CTNNB1: variants seen among roughly 807,000 people sequenced by gnomAD.
CTNNB1 encodes the protein catenin beta-1.
CTNNB1 carries 6 observed loss-of-function variants against 82.5 expected under a neutral mutation model. That is an observed-to-expected ratio of 0.07 (90% CI 0.04 to 0.14). The LOEUF (loss-of-function observed/expected upper bound fraction) is 0.14, where lower values mean the gene tolerates loss of function less well. CTNNB1 is among the 10% of genes least tolerant of loss of function. The probability of loss-of-function intolerance (pLI) is 1.00; values close to 1 mark genes in which losing one functional copy is unlikely to be tolerated. For synonymous variants in CTNNB1, 312 were observed against 329.7 expected, an observed-to-expected ratio of 0.95 and a Z score of 0.58; for missense variants, 529 against 980.4, an observed-to-expected ratio of 0.54 and a Z score of 6.15.
chr3:41,238,245 CAG>C, intron 14 of CTNNB1, 169 bp downstream of exon 14: 1 of 648,406 alleles, frequency 1.5e-6, no homozygotes, highest in Non-Finnish European at 2.8e-6. Context: ...TAATGGAGCA[CAG>C]GGAATTCAGA....
At chr3:41,209,776 A>C (rs1472008013) in intron 1 of CTNNB1, among the ~76,000 whole-genome samples, 1 of 152,224 alleles carries the variant, frequency 6.6e-6, no homozygotes, top group Admixed American at 6.5e-5. Context: ...GGTATCAAAA[A>C]TAAAAAATGG....
intron 1 of CTNNB1, among the ~76,000 whole-genome samples, chr3:41,220,217 T>A (rs761259765): frequency 5.3e-5 from 8 of 152,114 alleles, no homozygotes; most frequent in Non-Finnish European, 1.2e-4. Flanking sequence ...CCATTTACCT[T>A]CTGTTTCCTA....
chr3:41,232,592 T>C (rs2078336996), intron 7 of CTNNB1, among the ~76,000 whole-genome samples: 4 of 151,950 alleles, frequency 2.6e-5, no homozygotes, highest in Admixed American at 6.6e-5. Flanking sequence ...TATGTGGGCA[T>C]TGGGCTTCCA....
chr3:41,219,031 T>G (rs1016387786), intron 1 of CTNNB1, among the ~76,000 whole-genome samples: 3 of 152,214 alleles, frequency 2.0e-5, no homozygotes, highest in Non-Finnish European at 4.4e-5. Flanking sequence ...AAATTATATT[T>G]TGGAAATTCA....
rs373990577 is a variant in CTNNB1, at chr3:41,225,396, C to T, written c.558C>T (p.His186=). The change falls in exon 5 of 15, where the codon CAC becomes CAT. Residue 186 remains histidine (H), a synonymous_variant. Transcript: ENST00000349496. The surrounding 1 kb of genome is among the most constrained non-coding windows in gnomAD (Gnocchi z 5.3). Reference sequence around the variant, plus strand: ...TTTCTAAAAAGGAAGCTTCCAGACACGCTATCATGCGTTCTCCTCAGATGG... The same window carrying T: ...TTTCTAAAAAGGAAGCTTCCAGACATGCTATCATGCGTTCTCCTCAGATGG... ...HQLSKKEASR[H]AIMRSPQMVS... The T allele has an allele frequency of 5.6e-6, 9 of 1,613,936 alleles. No homozygotes were observed. Among genetic ancestry groups the T allele is most frequent in the South Asian group, 1.1e-5 (1 of 91,068 alleles).
At chr3:41,216,122 A>G (rs1306723079) in intron 1 of CTNNB1, among the ~76,000 whole-genome samples, 1 of 152,186 alleles carries the variant, frequency 6.6e-6, no homozygotes, top group African/African-American at 2.4e-5. Context: ...CTATTCTTAC[A>G]TTAATACTGC....
Position 41,225,978 on chromosome 3 carries a change from G to C in CTNNB1, c.936+117G>C. ...CCAGGGACCAGTTTCGTGGAAAACAGTTTTTCCATGAATGGGTTGTGGGAA... is the reference window on the plus strand; with the variant it reads ...CCAGGGACCAGTTTCGTGGAAAACACTTTTTCCATGAATGGGTTGTGGGAA... On this transcript the variant is annotated intron_variant, in intron 6 of 14. Coordinates refer to ENST00000349496, the MANE Select transcript of CTNNB1 (RefSeq NM_001904.4). The surrounding 1 kb of genome is among the most constrained non-coding windows in gnomAD (Gnocchi z 5.3). The C allele has an allele frequency of 1.1e-6, 1 of 890,242 alleles. No individual in the cohort carries two copies. Among genetic ancestry groups the C allele is most frequent in the Non-Finnish European group, 1.8e-6 (1 of 553,688 alleles). The allele number at this position is 890,242 out of a possible 1,614,324, so 55.1% of individuals were successfully genotyped here.
chr3:41,234,290 A>G lies in CTNNB1; in HGVS notation c.1676A>G (p.Gln559Arg). Residue 559 changes from glutamine (Q) to arginine (R), a missense_variant, in exon 10 of 15, where the codon CAA becomes CGA. By Grantham distance (43) the Gln-to-Arg change is conservative. This residue lies in a region of CTNNB1 where 411 missense variants were observed against 776.4 expected (regional missense o/e 0.53). Coordinates refer to ENST00000349496, the MANE Select transcript of CTNNB1 (RefSeq NM_001904.4). Reference protein sequence around the residue: ...RRTSMGGTQQQFVEGVRMEEI... With the variant: ...RRTSMGGTQQRFVEGVRMEEI... ...ACGTCCATGGGTGGGACACAGCAGC[A>G]ATTTGTGGTAGGTAAATTCTTACAG... 6.2e-7 allele frequency: 1 copy of G among 1,614,186 alleles called. No individual in the cohort carries two copies. Among genetic ancestry groups the G allele is most frequent in the Non-Finnish European group, 8.5e-7 (1 of 1,180,024 alleles).
intron 14 of CTNNB1, chr3:41,238,307 C>T (rs922471076): frequency 7.1e-6 from 4 of 561,166 alleles, no homozygotes; most frequent in East Asian, 6.1e-5. Context: ...ATACATGCTA[C>T]TGCTAGGCCT....
chr3:41,227,168 G>A (rs2125627334), intron 6 of CTNNB1, 40 bp from the exon 7 acceptor site: 15 of 1,547,794 alleles, frequency 9.7e-6, no homozygotes, highest in Non-Finnish European at 1.3e-5. Context: ...ATGTGATCAA[G>A]ATTCCTTGAC....
chr3:41,237,804 G>GT lies in CTNNB1; in HGVS notation c.2077-211dup, dbSNP rs2078474715. 6 of 549,134 alleles carry GT rather than the reference G, an allele frequency of 1.1e-5. No individual in the cohort carries two copies. The South Asian group carries it at 1.2e-4, about 11-fold the overall frequency. 34.0% of individuals were successfully genotyped at this position (549,134 alleles called of 1,614,324 possible). ...TAATATTTGTTGAAAGAACAAGTCA[G>GT]TGAGTATTTTTAATGTGAGGTGCAA... On this transcript the variant is annotated intron_variant, in intron 13 of 14. Transcript: ENST00000349496.
At chr3:41,238,862 C>G (rs538092473) in intron 14 of CTNNB1, among the ~76,000 whole-genome samples, 1 of 152,128 alleles carries the variant, frequency 6.6e-6, no homozygotes, top group Non-Finnish European at 1.5e-5. Context: ...GCAGAGTGTT[C>G]AGGGTTAGAC....
intron 1 of CTNNB1, among the ~76,000 whole-genome samples, chr3:41,202,254 G>C (rs2077549138): frequency 6.6e-6 from 1 of 152,152 alleles, no homozygotes; most frequent in Non-Finnish European, 1.5e-5. Context: ...CCTAGCTTCT[G>C]ATAATCAATA....
chr3:41,214,492 A>T lies in CTNNB1; in HGVS notation c.-48-9529A>T, dbSNP rs764612687. On this transcript the variant is annotated intron_variant, in intron 1 of 14. Transcript: ENST00000349496. ...ATGGCCTGAAATGTTTTTCCCAAAT[A>T]AATTGTCTTGTTATAGCTTTCATGT... 7.2e-5 allele frequency among the ~76,000 whole-genome samples: 11 copies of T among 152,208 alleles called. No homozygotes were observed. In the South Asian group the frequency reaches 1.2e-3, roughly 17 times the overall value.
chr3:41,221,198 A>C (rs2078042072), intron 1 of CTNNB1: 2 of 152,210 alleles, frequency 1.3e-5, no homozygotes, highest in South Asian at 4.1e-4. Context: ...GTGTCTTGAA[A>C]CATTTAGCGT....
intron 3 of CTNNB1, 71 bp from the exon 4 acceptor site, chr3:41,224,868 GCAATGTCACTTTTAC>G: frequency 6.2e-7 from 1 of 1,603,472 alleles, no homozygotes. Context: ...GAGAGTAATA[GCAATGTCACTTTTAC>G]CATTTAGGAT....
intron 11 of CTNNB1, 25 bp from the exon 12 acceptor site, chr3:41,236,324 G>C (rs780436070): frequency 3.0e-5 from 49 of 1,613,952 alleles, no homozygotes; most frequent in Non-Finnish European, 4.1e-5. Context: ...GATTTAATTA[G>C]GTTTTGTTTG....
At position 41,225,663 on chromosome 3, in the gene CTNNB1, A is replaced by G; in HGVS notation, c.738A>G (p.Ser246=). ...GAGGCTTTTTTCTTCTTCCCAGTTC[A>G]CCAGTGGATTCTGTGTTGTTTTATG... ...GIPALVKMLG[S]PVDSVLFYAI... Residue 246 remains serine, a synonymous_variant, in exon 6 of 15, where the codon TCA becomes TCG. Transcript: ENST00000349496. The surrounding 1 kb of genome is among the most constrained non-coding windows in gnomAD (Gnocchi z 5.3). 6.2e-7 allele frequency: 1 copy of G among 1,614,120 alleles called. No individual in the cohort carries two copies. Among genetic ancestry groups the G allele is most frequent in the Non-Finnish European group, 8.5e-7 (1 of 1,179,968 alleles).
At chr3:41,221,954 T>C (rs184698814) in intron 1 of CTNNB1, 1 of 152,344 alleles carries the variant, frequency 6.6e-6, no homozygotes, top group Non-Finnish European at 1.5e-5. Context: ...ATTCAACTTT[T>C]TGTTTTTATT....
Sources: allele counts gnomAD v4.1 joint callset (sites outside exome capture counted in the v4.1 genomes callset), GRCh38; gene constraint gnomAD v4.1.1; regional missense constraint gnomAD v4.1.1; non-coding constraint Gnocchi (gnomAD v3.1); transcripts MANE v1.5; gene names NCBI Gene and HGNC (gene_info 2026-07-23, HGNC 2026-07-21).